SMARCA2: variants seen among roughly 807,000 people sequenced by gnomAD.
SMARCA2 encodes SWI/SNF related BAF chromatin remodeling complex subunit ATPase 2.
A neutral mutation model predicts 199.8 loss-of-function variants in SMARCA2; 61 were observed. The observed-to-expected ratio is 0.31, with a 90% CI of 0.25 to 0.38. SMARCA2 has a LOEUF of 0.38. Ranked by LOEUF, SMARCA2 falls within the 10% of genes least tolerant of loss-of-function variation. The probability of loss-of-function intolerance (pLI) is 1.00; values close to 1 mark genes in which losing one functional copy is unlikely to be tolerated. For synonymous variants in SMARCA2, 935 were observed against 732.0 expected (o/e 1.28, Z -4.48); for missense variants, 1,344 against 2,012.2 (o/e 0.67, Z 6.35).
intron 1 of SMARCA2, among the ~76,000 whole-genome samples, chr9:2,025,015 C>T (rs1026634943): frequency 6.6e-6 from 1 of 152,044 alleles, no homozygotes; most frequent in Non-Finnish European, 1.5e-5. Context: ...GAGTGGTGAC[C>T]CTTAAAATTC....
chr9:2,066,328 G>T (rs1315581009), intron 9 of SMARCA2, among the ~76,000 whole-genome samples: 1 of 152,156 alleles, frequency 6.6e-6, no homozygotes, highest in Non-Finnish European at 1.5e-5. Context: ...CTTCTTTTGA[G>T]TTCAGCTTAC....
intron 29 of SMARCA2, among the ~76,000 whole-genome samples, chr9:2,175,739 T>TA (rs1363024879): frequency 6.6e-6 from 1 of 152,230 alleles, no homozygotes; most frequent in African/African-American, 2.4e-5. Context: ...TTTTGGTGAA[T>TA]AAGAGTAAAT....
intron 2 of SMARCA2, among the ~76,000 whole-genome samples, chr9:2,029,957 C>A (rs1356665124): frequency 1.3e-5 from 2 of 152,148 alleles, no homozygotes; most frequent in South Asian, 2.1e-4. Flanking sequence ...AGAGAGACAG[C>A]CTTTTGAGAA....
chr9:2,159,780 G>T lies in SMARCA2; in HGVS notation c.3982-1906G>T, dbSNP rs774035390. On this transcript the variant is annotated intron_variant, in intron 27 of 33. Transcript: ENST00000349721. ...AAAATTACTTGTATATGAAAACACA[G>T]CCTTTCCCCAGCTCTCTTTTTTTTC... The T allele has an allele frequency of 1.8e-5, 29 of 1,589,430 alleles. No homozygotes were observed. In the Admixed American group the frequency reaches 4.8e-4, roughly 26 times the overall value.
intron 27 of SMARCA2, among the ~76,000 whole-genome samples, chr9:2,145,210 A>C (rs1381694534): frequency 6.6e-6 from 1 of 151,718 alleles, no homozygotes; most frequent in East Asian, 1.9e-4. Flanking sequence ...GGCTGAGGCA[A>C]GAGAATCATC....
intron 28 of SMARCA2, among the ~76,000 whole-genome samples, chr9:2,163,648 T>A (rs1014177547): frequency 2.0e-5 from 3 of 152,192 alleles, no homozygotes; most frequent in Non-Finnish European, 4.4e-5. Context: ...TTTGCCTTTG[T>A]CTCAGGAGAG....
chr9:2,055,933 T>A (rs1467891905), intron 6 of SMARCA2, among the ~76,000 whole-genome samples: 1 of 152,212 alleles, frequency 6.6e-6, no homozygotes, highest in Non-Finnish European at 1.5e-5. Context: ...GATATTATTT[T>A]AAAAATCTGT....
At chr9:2,143,466 T>A (rs981406360) in intron 27 of SMARCA2, among the ~76,000 whole-genome samples, 1 of 152,150 alleles carries the variant, frequency 6.6e-6, no homozygotes, top group Non-Finnish European at 1.5e-5. Flanking sequence ...CCATTTGCAT[T>A]GAAAAAGATT....
chr9:2,136,329 A>G (rs751711882), intron 27 of SMARCA2, among the ~76,000 whole-genome samples: 6 of 151,854 alleles, frequency 4.0e-5, no homozygotes, highest in Non-Finnish European at 8.8e-5. Flanking sequence ...CTGGGATTAC[A>G]GGCACGTGCC....
In SMARCA2 at chr9:2,146,464, T is replaced by A. The variant is rs985485940; in HGVS notation, c.3982-15222T>A. Among the ~76,000 whole-genome samples the A allele has an allele frequency of 7.9e-5, 12 of 152,266 alleles. No homozygotes were observed. The East Asian group carries it at 1.9e-3, about 25-fold the overall frequency. On this transcript the variant is annotated intron_variant, in intron 27 of 33. Coordinates refer to ENST00000349721, the MANE Select transcript of SMARCA2 (RefSeq NM_003070.5). ...CACTTACTCAAAGTTAGCCTTTGGA[T>A]CGGGGGTTTCCTAGGTATTGTGGCT...
At chr9:2,073,999 G>A (rs1263540511) in intron 12 of SMARCA2, among the ~76,000 whole-genome samples, 1 of 152,166 alleles carries the variant, frequency 6.6e-6, no homozygotes, top group African/African-American at 2.4e-5. Flanking sequence ...CTGCCAAAAA[G>A]TTCTGAAGTC....
chr9:2,128,619 A>G (rs1049118276), intron 27 of SMARCA2, among the ~76,000 whole-genome samples: 8 of 152,248 alleles, frequency 5.3e-5, no homozygotes, highest in African/African-American at 1.9e-4. Context: ...AAAGAAAGCA[A>G]TTCAAAAATG....
rs1222362763 is a variant in SMARCA2, at chr9:2,017,474, C to T, written c.-37+2070C>T. 3.3e-5 allele frequency: 5 copies of T among 152,630 alleles called. No individual in the cohort carries two copies. The highest frequency in any genetic ancestry group is 2.1e-4 in the South Asian group (1 of 4,844). 9.5% of individuals were successfully genotyped at this position (152,630 alleles called of 1,614,324 possible). ...GGGCAGCTGCTCCTGCCCGCACCCT[C>T]CCCTGGAGCCCGGGGAGGACAAGGC... On this transcript the variant is annotated intron_variant, in intron 1 of 33. Transcript: ENST00000349721. This position sits in a 1 kb window ranked among gnomAD's most constrained non-coding sequence, Gnocchi z 8.8.
At chr9:2,081,045 T>C (rs1821545304) in intron 14 of SMARCA2, among the ~76,000 whole-genome samples, 1 of 152,232 alleles carries the variant, frequency 6.6e-6, no homozygotes, top group Non-Finnish European at 1.5e-5. Context: ...ATAACATCAT[T>C]AGCAAGCTAA....
intron 15 of SMARCA2, among the ~76,000 whole-genome samples, chr9:2,082,639 C>A (rs972111023): frequency 6.6e-6 from 1 of 152,200 alleles, no homozygotes; most frequent in Non-Finnish European, 1.5e-5. Flanking sequence ...CCTGGGAGTT[C>A]AGTGTGTCTG....
At chr9:2,118,634 C>A (rs192963387) in intron 25 of SMARCA2, among the ~76,000 whole-genome samples, 1,952 of 152,294 alleles carry the variant, frequency 0.013, 39 homozygotes, top group African/African-American at 0.044. Context: ...AATCCTGAAG[C>A]ATATGCCGAA....
At chr9:2,083,701 C>A (rs148285551) in intron 16 of SMARCA2, among the ~76,000 whole-genome samples, 1 of 152,322 alleles carries the variant, frequency 6.6e-6, no homozygotes, top group Admixed American at 6.5e-5. Context: ...CTGACTGGCT[C>A]GCTGTGGGCT....
At chr9:2,116,897 G>A (rs1328297835) in intron 25 of SMARCA2, among the ~76,000 whole-genome samples, 1 of 152,080 alleles carries the variant, frequency 6.6e-6, no homozygotes, top group Admixed American at 6.5e-5. Flanking sequence ...ATATTCATGT[G>A]GAATACTGTT....
At chr9:2,181,948 G>A (rs1827059365) in intron 30 of SMARCA2, among the ~76,000 whole-genome samples, 193 bp from the exon 31 acceptor site, 1 of 152,132 alleles carries the variant, frequency 6.6e-6, no homozygotes, top group South Asian at 2.1e-4. Context: ...CTCCTCCTTG[G>A]CAAAAGGAAT....
Sources: allele counts gnomAD v4.1 joint callset (sites outside exome capture counted in the v4.1 genomes callset), GRCh38; gene constraint gnomAD v4.1.1; non-coding constraint Gnocchi (gnomAD v3.1); transcripts MANE v1.5; gene names NCBI Gene and HGNC (gene_info 2026-07-23, HGNC 2026-07-21).